SPTBN4: variants seen among roughly 807,000 people sequenced by gnomAD.
SPTBN4 encodes spectrin beta, non-erythrocytic 4, also known as spectrin beta chain, non-erythrocytic 4.
A neutral mutation model predicts 277.8 loss-of-function variants in SPTBN4; 96 were observed. The observed-to-expected ratio is 0.35, with a 90% CI of 0.29 to 0.41. SPTBN4 has a LOEUF of 0.41. Ranked by LOEUF, SPTBN4 falls within the 10% of genes least tolerant of loss-of-function variation. SPTBN4 has a pLI of 1.00. For synonymous variants in SPTBN4, 1,481 were observed against 1,580.3 expected, an observed-to-expected ratio of 0.94 and a Z score of 1.49; for missense variants, 3,006 against 3,595.7, an observed-to-expected ratio of 0.84 and a Z score of 4.19.
intron 18 of SPTBN4, 146 bp downstream of exon 18, chr19:40,529,277 C>T: frequency 2.8e-6 from 2 of 720,690 alleles, no homozygotes; most frequent in South Asian, 1.7e-5. Context: ...CGCGCGGAGC[C>T]GGGTCTCAGT....
chr19:40,497,431 G>A, intron 6 of SPTBN4, 58 bp from the exon 7 acceptor site: 1 of 1,357,234 alleles, frequency 7.4e-7, no homozygotes. Flanking sequence ...CTTCTTCCCT[G>A]CTTGCCCGCC....
rs527451176 is a variant in SPTBN4 at position 40,524,588 on chromosome 19, C to T, written c.3857+949C>T. 72 of 456,568 alleles carry T rather than the reference C, an allele frequency of 1.6e-4. 1 individual carries two copies. Among genetic ancestry groups the T allele is most frequent in the South Asian group, 1.1e-3 (71 of 64,522 alleles). The allele number at this position is 456,568 out of a possible 1,614,324, so 28.3% of individuals were successfully genotyped here. A position where few individuals can be genotyped will look rare whatever the true frequency, so the allele number is the denominator to read the frequency against. On this transcript the variant is annotated intron_variant, in intron 17 of 35. Coordinates refer to ENST00000598249, the MANE Select transcript of SPTBN4 (RefSeq NM_020971.3). ...GCTCTTCTGCACCCTCCTTGGGAAC[C>T]CCCAGACCTCCCCAGATCCAGCAGC... is the stretch of plus-strand genomic sequence containing the variant.
At chr19:40,508,649 C>T (rs1409909951) in intron 13 of SPTBN4, among the ~76,000 whole-genome samples, 1 of 152,162 alleles carries the variant, frequency 6.6e-6, no homozygotes, top group African/African-American at 2.4e-5. Flanking sequence ...GATCGTGCCA[C>T]TGCACACCAG....
At chr19:40,536,582 T>A (rs2080739470) in intron 20 of SPTBN4, among the ~76,000 whole-genome samples, 1 of 152,098 alleles carries the variant, frequency 6.6e-6, no homozygotes, top group South Asian at 2.1e-4. Context: ...CCCCTTACAC[T>A]CTTAAACCGC....
At chr19:40,540,454 C>T (rs2080787168) in intron 20 of SPTBN4, among the ~76,000 whole-genome samples, 1 of 151,932 alleles carries the variant, frequency 6.6e-6, no homozygotes, top group South Asian at 2.1e-4. Context: ...GTTACCCAGG[C>T]TGGTCACAAA....
chr19:40,475,291 A>G (rs35754989), intron 2 of SPTBN4, among the ~76,000 whole-genome samples: 28,295 of 151,966 alleles, frequency 0.19, 2,928 homozygotes, highest in Non-Finnish European at 0.23. Flanking sequence ...TTGGGACCTT[A>G]ACATCTTAGA....
chr19:40,502,172 C>T lies in SPTBN4; in HGVS notation c.942C>T (p.Tyr314=), dbSNP rs776189458. The change falls in exon 9 of 36, where the codon TAC becomes TAT. Residue 314 remains tyrosine (Y), a synonymous_variant. Transcript: ENST00000598249. This position sits in a 1 kb window ranked among gnomAD's most constrained non-coding sequence, Gnocchi z 4.9. Reference sequence around the variant, plus strand: ...AGGTGGGGAAGATCATAGAACGCTACGAGGAGCTGGCGGCTGAGCTGCTGG... The same window carrying T: ...AGGTGGGGAAGATCATAGAACGCTATGAGGAGCTGGCGGCTGAGCTGCTGG... ...VLEVGKIIER[Y]EELAAELLAW... is the part of the protein sequence containing the mutation. 17 of 1,614,090 alleles carry T rather than the reference C, an allele frequency of 1.1e-5. No homozygotes were observed. Among genetic ancestry groups the T allele is most frequent in the Middle Eastern group, 3.3e-4 (2 of 6,062 alleles).
At chr19:40,500,534 GGGCCCACGCCTATAGT>G (rs1433592779) in intron 7 of SPTBN4, among the ~76,000 whole-genome samples, 5 of 152,180 alleles carry the variant, frequency 3.3e-5, no homozygotes, top group African/African-American at 1.2e-4. Flanking sequence ...GCATACGGCT[GGGCCCACGCCTATAGT>G]GGCCCACGCC....
chr19:40,537,487 A>G (rs1324444271), intron 20 of SPTBN4, among the ~76,000 whole-genome samples: 1 of 152,246 alleles, frequency 6.6e-6, no homozygotes, highest in African/African-American at 2.4e-5. Flanking sequence ...AAATAGTTGT[A>G]ACCTTGCAGA....
chr19:40,518,163 G>C (rs768246643), intron 15 of SPTBN4, among the ~76,000 whole-genome samples: 14 of 151,990 alleles, frequency 9.2e-5, no homozygotes, highest in Non-Finnish European at 1.6e-4. Context: ...AAAACTAGCC[G>C]GGTGTGGTGG....
At chr19:40,535,518 A>G (rs1356027024) in intron 20 of SPTBN4, among the ~76,000 whole-genome samples, 1 of 150,934 alleles carries the variant, frequency 6.6e-6, no homozygotes, top group Non-Finnish European at 1.5e-5. Context: ...CCTTTTTGAT[A>G]TATTTCCTAT....
chr19:40,476,171 C>G (rs2079945174), intron 2 of SPTBN4, among the ~76,000 whole-genome samples: 2 of 151,946 alleles, frequency 1.3e-5, no homozygotes, highest in South Asian at 4.1e-4. Flanking sequence ...ACGGCAAAAC[C>G]CTGTCTCTAT....
In SPTBN4 at chr19:40,519,338, C is replaced by T; in HGVS notation, c.2904-63C>T. ...GGGCCTGGATTCTACCCTGGGTCGG[C>T]GGGCCCTCCGCGCCCAAGAGGAGTC... On this transcript the variant is annotated intron_variant, in intron 15 of 35. Coordinates refer to ENST00000598249, the MANE Select transcript of SPTBN4 (RefSeq NM_020971.3). The surrounding 1 kb of genome is among the most constrained non-coding windows in gnomAD (Gnocchi z 5.7). 7.1e-7 allele frequency: 1 copy of T among 1,403,088 alleles called. No homozygotes were observed. The highest frequency in any genetic ancestry group is 9.3e-7 in the Non-Finnish European group (1 of 1,076,884). The allele number at this position is 1,403,088 out of a possible 1,614,324, so 86.9% of individuals were successfully genotyped here.
chr19:40,504,138 G>GGT lies in SPTBN4; in HGVS notation c.1665+7_1665+8insTG. The GGT allele has an allele frequency of 2.1e-6, 3 of 1,418,672 alleles. 1 individual carries two copies. The highest frequency in any genetic ancestry group is 1.9e-6 in the Non-Finnish European group (2 of 1,038,686). 87.9% of individuals were successfully genotyped at this position (1,418,672 alleles called of 1,614,324 possible). ...ACTGGATGGAGGAGATGCAGGTGCC[G>GGT]GCGGGGGGGCGGGGATGCGGGTGGA... On this transcript the variant is annotated splice_region_variant and intron_variant, in intron 12 of 35. Coordinates refer to ENST00000598249, the MANE Select transcript of SPTBN4 (RefSeq NM_020971.3).
At chr19:40,556,314 A>G (rs1430435308) in intron 25 of SPTBN4, 26 bp downstream of exon 25, 1 of 1,584,432 alleles carries the variant, frequency 6.3e-7, no homozygotes, top group Admixed American at 1.7e-5. Flanking sequence ...AATAAGTGAT[A>G]CCAGGAGCTA....
At chr19:40,489,301 C>T (rs928559322) in intron 3 of SPTBN4, among the ~76,000 whole-genome samples, 1 of 151,186 alleles carries the variant, frequency 6.6e-6, no homozygotes, top group African/African-American at 2.4e-5. Flanking sequence ...AGGGGAAGAG[C>T]ACTGGGGCAG....
chr19:40,534,202 C>G lies in SPTBN4; in HGVS notation c.4218C>G (p.Leu1406=). The G allele has an allele frequency of 6.2e-7, 1 of 1,613,988 alleles. No homozygotes were observed. Among genetic ancestry groups the G allele is most frequent in the Non-Finnish European group, 8.5e-7 (1 of 1,179,898 alleles). The change falls in exon 20 of 36, where the codon CTC becomes CTG. Residue 1406 remains leucine (L), a synonymous_variant. Coordinates refer to ENST00000598249, the MANE Select transcript of SPTBN4 (RefSeq NM_020971.3). ...ESTTQAKARQ[L]FEASKADQLV... The stretch of plus-strand genomic sequence containing the variant: ...CCACCCAGGCCAAGGCACGGCAGCT[C>G]TTTGAGGCCAGCAAAGCAGACCAGC...
In SPTBN4 at chr19:40,472,629, A is replaced by G; in HGVS notation, c.8A>G (p.Gln3Arg). The G allele has an allele frequency of 6.2e-7, 1 of 1,612,282 alleles. No individual in the cohort carries two copies. Among genetic ancestry groups the G allele is most frequent in the Non-Finnish European group, 8.5e-7 (1 of 1,178,922 alleles). MA[Q>R]VPGEVDNMEG... is the part of the protein sequence containing the mutation. ...CAGGCCTCACCTTCCCCGATGGCGC[A>G]GGTACCAGGGGAAGTGGACAACATG... The change falls in exon 2 of 36, where the codon CAG (glutamine) becomes CGG (arginine). Residue 3 changes from glutamine to arginine, a missense_variant. By Grantham distance (43) the Gln-to-Arg change is conservative. Coordinates refer to ENST00000598249, the MANE Select transcript of SPTBN4 (RefSeq NM_020971.3).
chr19:40,519,364 C>A lies in SPTBN4; in HGVS notation c.2904-37C>A. 1.4e-6 allele frequency: 2 copies of A among 1,472,834 alleles called. No homozygotes were observed. Among genetic ancestry groups the A allele is most frequent in the South Asian group, 1.4e-5 (1 of 71,606 alleles). The allele number at this position is 1,472,834 out of a possible 1,614,324, so 91.2% of individuals were successfully genotyped here. The stretch of plus-strand genomic sequence containing the variant: ...GGGCCCTCCGCGCCCAAGAGGAGTC[C>A]CTGTCCTCCTCAAGTCACTCTCTTT... On this transcript the variant is annotated intron_variant, in intron 15 of 35. Transcript: ENST00000598249. The surrounding 1 kb of genome is among the most constrained non-coding windows in gnomAD (Gnocchi z 5.7).
Sources: gnomAD v4.1 joint callset for allele counts (sites outside exome capture counted in the v4.1 genomes callset) on GRCh38, gnomAD v4.1.1 for gene constraint, Gnocchi (gnomAD v3.1) non-coding constraint, MANE v1.5 for transcripts, NCBI Gene and HGNC (gene_info 2026-07-23, HGNC 2026-07-21) for gene names.